Variants in TRHDE observed in about 807,000 individuals in gnomAD.
TRHDE encodes the protein thyrotropin-releasing hormone-degrading ectoenzyme.
A neutral mutation model predicts 125.7 loss-of-function variants in TRHDE; 72 were observed. That is an observed-to-expected ratio of 0.57 (90% CI 0.47 to 0.70). The LOEUF is 0.70. Ranked by LOEUF, TRHDE falls within the 30% of genes least tolerant of loss-of-function variation. The probability of loss-of-function intolerance (pLI) is 0.00; values close to 1 mark genes in which losing one functional copy is unlikely to be tolerated. For synonymous variants in TRHDE, 509 were observed against 509.1 expected (o/e 1.00, Z 0.00); for missense variants, 1,110 against 1,327.1 (o/e 0.84, Z 2.54).
rs143108357 is a variant in TRHDE at position 72,187,867 on chromosome 12, C to A, written n.279+82115C>A. On this transcript the variant is annotated intron_variant and non_coding_transcript_variant, in intron 2 of 4. Coordinates refer to the TRHDE transcript ENST00000548156. Reference sequence around the variant, plus strand: ...CCTCTGACTGTTGTGAACTGCATTACCAGATTAAATGTAGCTAAGATTATA... The same window carrying A: ...CCTCTGACTGTTGTGAACTGCATTAACAGATTAAATGTAGCTAAGATTATA... 6.4e-4 allele frequency among the ~76,000 whole-genome samples: 97 copies of A among 152,160 alleles called. 1 individual carries two copies. In the East Asian group the frequency reaches 0.016, roughly 26 times the overall value.
chr12:72,392,010 G>A (rs1296034896), intron 3 of TRHDE, among the ~76,000 whole-genome samples: 1 of 152,074 alleles, frequency 6.6e-6, no homozygotes. Flanking sequence ...GAACTATTGC[G>A]TTTCTAAGAG....
At chr12:72,591,634 T>TTTTTTTTTG (rs1290457927) in intron 12 of TRHDE, among the ~76,000 whole-genome samples, 1 of 140,876 alleles carries the variant, frequency 7.1e-6, no homozygotes, top group African/African-American at 2.8e-5. Flanking sequence ...GGATATGGGT[T>TTTTTTTTTG]TTTTTTTTTT....
chr12:72,317,164 C>G (rs898256410), intron 2 of TRHDE, among the ~76,000 whole-genome samples: 1 of 152,102 alleles, frequency 6.6e-6, no homozygotes, highest in African/African-American at 2.4e-5. Context: ...TATACAACTT[C>G]TAAGTGGCAG....
intron 3 of TRHDE, among the ~76,000 whole-genome samples, chr12:72,456,856 G>C (rs1592459054): frequency 6.6e-6 from 1 of 152,006 alleles, no homozygotes; most frequent in East Asian, 1.9e-4. Context: ...AGTTCTTTCT[G>C]TATTTCATTT....
chr12:72,649,344 T>C (rs1324476921), intron 15 of TRHDE, among the ~76,000 whole-genome samples: 3 of 151,372 alleles, frequency 2.0e-5, no homozygotes, highest in Non-Finnish European at 4.4e-5. Context: ...GATGTCCACA[T>C]GCAAAAGAAA....
intron 2 of TRHDE, among the ~76,000 whole-genome samples, chr12:72,376,397 T>A (rs1264576874): frequency 6.6e-6 from 1 of 152,184 alleles, no homozygotes; most frequent in African/African-American, 2.4e-5. Flanking sequence ...TCACAGTTAT[T>A]GTCAGGGGTA....
Position 72,540,480 on chromosome 12 carries a change from C to T in TRHDE, c.1723-1811C>T, listed in dbSNP as rs536031939. On this transcript the variant is annotated intron_variant, in intron 6 of 18. Transcript: ENST00000261180. ...TAGTTTTTATAAACTGACAAGAGACCAAGTCATCATTACCTGGGGGGAAAC... is the reference window on the plus strand; with the variant it reads ...TAGTTTTTATAAACTGACAAGAGACTAAGTCATCATTACCTGGGGGGAAAC... Among the ~76,000 whole-genome samples the T allele has an allele frequency of 2.9e-3, 439 of 151,696 alleles. 1 individual carries two copies. Among genetic ancestry groups the T allele is most frequent in the African/African-American group, 9.9e-3 (410 of 41,454 alleles).
At chr12:72,466,234 C>T (rs1417540751) in intron 3 of TRHDE, among the ~76,000 whole-genome samples, 1 of 152,162 alleles carries the variant, frequency 6.6e-6, no homozygotes, top group Non-Finnish European at 1.5e-5. Context: ...CTCTTTATTC[C>T]AAACTCCTAG....
In TRHDE at chr12:72,152,914, A is replaced by G. The variant is rs11536215; in HGVS notation, n.279+47162A>G. Reference sequence around the variant, plus strand: ...ATCAGAATGGTGCTGGCCTCATAAAATGAGTTAGGGAGGATTCCCTCTTTT... The same window carrying G: ...ATCAGAATGGTGCTGGCCTCATAAAGTGAGTTAGGGAGGATTCCCTCTTTT... On this transcript the variant is annotated intron_variant and non_coding_transcript_variant, in intron 2 of 4. Transcript: ENST00000548156. 2.5e-3 allele frequency among the ~76,000 whole-genome samples: 383 copies of G among 152,342 alleles called. 13 individuals carry two copies. In the East Asian group the frequency reaches 0.065, roughly 26 times the overall value.
chr12:72,128,086 G>C (rs537296775), intron 2 of TRHDE, among the ~76,000 whole-genome samples: 1 of 152,240 alleles, frequency 6.6e-6, no homozygotes, highest in South Asian at 2.1e-4. Flanking sequence ...CAGAGCATAT[G>C]TATGAAGGAA....
At position 72,273,074 on chromosome 12, in the gene TRHDE, A is replaced by G; in HGVS notation, c.431A>G (p.Asn144Ser). Residue 144 changes from asparagine (N) to serine (S), a missense_variant, in exon 1 of 19, where the codon AAC becomes AGC. By Grantham distance (46) the Asn-to-Ser change is conservative. This residue lies in a region of TRHDE where 248 missense variants were observed against 240.8 expected (regional missense o/e 1.03). Transcript: ENST00000261180. This position sits in a 1 kb window ranked among gnomAD's most constrained non-coding sequence, Gnocchi z 5.3. ...AGCCTCCCTGGATCGGCCCGGCGCA[A>G]CCACCACGCAGGCGGGGACTCCTGG... ...NGSLPGSARR[N>S]HHAGGDSWQP... 1 of 1,526,392 alleles carries G rather than the reference A, an allele frequency of 6.6e-7. No homozygotes were observed. Among genetic ancestry groups the G allele is most frequent in the Non-Finnish European group, 8.8e-7 (1 of 1,139,338 alleles). The allele number at this position is 1,526,392 out of a possible 1,614,324, so 94.6% of individuals were successfully genotyped here. A position where few individuals can be genotyped will look rare whatever the true frequency, so the allele number is the denominator to read the frequency against.
At chr12:72,466,617 A>G (rs1173874294) in intron 3 of TRHDE, among the ~76,000 whole-genome samples, 3 of 152,112 alleles carry the variant, frequency 2.0e-5, no homozygotes, top group Admixed American at 1.3e-4. Flanking sequence ...TCTCTGATCT[A>G]TGTTCCTCCT....
At chr12:72,301,727 G>A (rs1387806734) in intron 2 of TRHDE, among the ~76,000 whole-genome samples, 1 of 152,154 alleles carries the variant, frequency 6.6e-6, no homozygotes. Flanking sequence ...GCCTATCAAA[G>A]TGCTTGACAC....
At chr12:72,220,497 A>G (rs1877980154) in intron 2 of TRHDE, among the ~76,000 whole-genome samples, 1 of 151,884 alleles carries the variant, frequency 6.6e-6, no homozygotes, top group Non-Finnish European at 1.5e-5. Context: ...TTATTTTTTC[A>G]ATTTCTTCTA....
At chr12:72,314,697 A>G (rs1424953150) in intron 2 of TRHDE, among the ~76,000 whole-genome samples, 1 of 152,108 alleles carries the variant, frequency 6.6e-6, no homozygotes, top group Non-Finnish European at 1.5e-5. Flanking sequence ...TTTATATTGA[A>G]TTGTGGCAAG....
chr12:72,125,908 A>T (rs568255928), intron 2 of TRHDE, among the ~76,000 whole-genome samples: 1 of 152,276 alleles, frequency 6.6e-6, no homozygotes, highest in African/African-American at 2.4e-5. Flanking sequence ...AGTGGAAGAG[A>T]TGGAACTGAG....
At chr12:72,573,140 T>G (rs17111470) in intron 10 of TRHDE, among the ~76,000 whole-genome samples, 40,400 of 151,738 alleles carry the variant, frequency 0.27, 8,107 homozygotes, top group African/African-American at 0.54. Flanking sequence ...TCAAGGTTGC[T>G]AAGGTTTTTA....
chr12:72,181,889 T>C (rs1053715457), intron 2 of TRHDE, among the ~76,000 whole-genome samples: 3 of 152,192 alleles, frequency 2.0e-5, no homozygotes, highest in African/African-American at 7.2e-5. Flanking sequence ...CACCTCCCAC[T>C]TATTATGTTG....
intron 2 of TRHDE, among the ~76,000 whole-genome samples, chr12:72,146,909 T>A (rs1219653848): frequency 6.6e-6 from 1 of 152,136 alleles, no homozygotes; most frequent in Non-Finnish European, 1.5e-5. Flanking sequence ...CTCAGTGAGA[T>A]GGATGCGGAG....
Sources: allele counts gnomAD v4.1 joint callset (sites outside exome capture counted in the v4.1 genomes callset), GRCh38; gene constraint gnomAD v4.1.1; regional missense constraint gnomAD v4.1.1; non-coding constraint Gnocchi (gnomAD v3.1); transcripts MANE v1.5; gene names NCBI Gene and HGNC (gene_info 2026-07-23, HGNC 2026-07-21).